Variants in CASP5 observed in about 807,000 individuals in gnomAD.
CASP5 encodes caspase 5, also known as caspase-5.
CASP5 carries 42 observed loss-of-function variants against 45.2 expected under a neutral mutation model. The observed-to-expected ratio is 0.93, with a 90% CI of 0.73 to 1.20. The LOEUF is 1.20. Ranked by LOEUF, CASP5 falls within the 50% of genes most tolerant of loss-of-function variation. The pLI is 0.00. For synonymous variants in CASP5, 209 were observed against 186.2 expected (o/e 1.12, Z -1.00); for missense variants, 512 against 532.2 (o/e 0.96, Z 0.37).
Position 105,023,123 on chromosome 11 carries a change from G to C in CASP5, c.7+7C>G, listed in dbSNP as rs778274081. The C allele has an allele frequency of 3.2e-6, 5 of 1,551,056 alleles. No homozygotes were observed. In the South Asian group the frequency reaches 4.8e-5, roughly 15 times the overall value. ...CAGCTGCTAGTCAGAAAAGGGCCCA[G>C]ACTCACCAGCCATAGCTAACAGCCT... is the stretch of plus-strand genomic sequence containing the variant. On this transcript the variant is annotated splice_region_variant and intron_variant, in intron 1 of 9. Coordinates refer to ENST00000260315, the MANE Select transcript of CASP5 (RefSeq NM_004347.5).
At position 105,002,182 on chromosome 11, in the gene CASP5, CTCTT is replaced by C; in HGVS notation, c.559_562del (p.Lys187GlufsTer32). 6.2e-7 allele frequency: 1 copy of C among 1,614,040 alleles called. No individual in the cohort carries two copies. The highest frequency in any genetic ancestry group is 8.5e-7 in the Non-Finnish European group (1 of 1,179,984). ...GAGAGCCAGGCGTCTGCGGTCCTCTCTCTTTTTTATTGGATAGATCTGCAGGAGA... is the reference window on the plus strand; with the variant it reads ...GAGAGCCAGGCGTCTGCGGTCCTCTCTTTTATTGGATAGATCTGCAGGAGA... On this transcript the variant is annotated frameshift_variant, in exon 5 of 10. Coordinates refer to ENST00000260315, the MANE Select transcript of CASP5 (RefSeq NM_004347.5). LOFTEE classifies it high-confidence loss of function.
At chr11:105,002,694 A>G (rs905372100) in intron 4 of CASP5, among the ~76,000 whole-genome samples, 4 of 152,244 alleles carry the variant, frequency 2.6e-5, no homozygotes, top group Non-Finnish European at 5.9e-5. Flanking sequence ...CATGTTATAA[A>G]CATTTTATTT....
intron 7 of CASP5, among the ~76,000 whole-genome samples, 179 bp downstream of exon 7, chr11:104,998,706 G>A (rs3181329): frequency 0.025 from 3,870 of 152,206 alleles, 139 homozygotes; most frequent in African/African-American, 0.083. Flanking sequence ...TTTAAAATGT[G>A]TGTGTGGGAG....
chr11:105,001,316 C>A (rs905710864), intron 5 of CASP5, among the ~76,000 whole-genome samples: 3 of 152,178 alleles, frequency 2.0e-5, no homozygotes, highest in African/African-American at 4.8e-5. Flanking sequence ...ACAGACTTAT[C>A]CACAGTATCA....
At chr11:105,020,795 T>C (rs556833138) in intron 1 of CASP5, among the ~76,000 whole-genome samples, 123 of 152,190 alleles carry the variant, frequency 8.1e-4, no homozygotes, top group African/African-American at 2.6e-3. Flanking sequence ...CTTCACAGAA[T>C]TGGAAAAAAC....
chr11:105,021,675 G>T (rs1431260152), intron 1 of CASP5, among the ~76,000 whole-genome samples: 1 of 147,516 alleles, frequency 6.8e-6, no homozygotes, highest in Non-Finnish European at 1.5e-5. Context: ...TGCTGGAGAG[G>T]ATGTGGAAAA....
chr11:105,014,218 A>G (rs1862479370), intron 1 of CASP5, among the ~76,000 whole-genome samples: 1 of 152,042 alleles, frequency 6.6e-6, no homozygotes, highest in South Asian at 2.1e-4. Context: ...TTTAATGTCT[A>G]GTCCAGTCTC....
intron 1 of CASP5, among the ~76,000 whole-genome samples, chr11:105,014,477 A>G (rs571909151): frequency 6.6e-6 from 1 of 152,258 alleles, no homozygotes; most frequent in Admixed American, 6.5e-5. Context: ...GTGGCCATAA[A>G]CTAGGCCTGC....
intron 7 of CASP5, among the ~76,000 whole-genome samples, chr11:104,998,367 T>C (rs1331722068): frequency 6.6e-6 from 1 of 152,214 alleles, no homozygotes; most frequent in Non-Finnish European, 1.5e-5. Context: ...CTGTTTCCTG[T>C]AATTAGACCT....
chr11:105,019,053 C>A lies in CASP5; in HGVS notation c.7+4077G>T, dbSNP rs983761467. On this transcript the variant is annotated intron_variant, in intron 1 of 9. Coordinates refer to ENST00000260315, the MANE Select transcript of CASP5 (RefSeq NM_004347.5). ...AACTGAACAACCTGCTCCTGAATGACTACTGGGTACATAATGAAATGAAGG... is the reference window on the plus strand; with the variant it reads ...AACTGAACAACCTGCTCCTGAATGAATACTGGGTACATAATGAAATGAAGG... 2.4e-3 allele frequency among the ~76,000 whole-genome samples: 345 copies of A among 146,332 alleles called. 5 individuals carry two copies. The highest frequency in any genetic ancestry group is 8.1e-3 in the African/African-American group (326 of 40,142).
chr11:105,008,963 T>G lies in CASP5; in HGVS notation c.25A>C (p.Lys9Gln). MAEDSGKKKRRKNFEAMFK... is the reference protein window; with the variant it reads MAEDSGKKQRRKNFEAMFK... ...ATAGCTTCAAAATTCTTACGCCTTTTTTTTTTGCCACTGTCTTCTATCAGA... is the reference window on the plus strand; with the variant it reads ...ATAGCTTCAAAATTCTTACGCCTTTGTTTTTTGCCACTGTCTTCTATCAGA... The change falls in exon 2 of 10, where the codon AAA becomes CAA. Residue 9 changes from lysine to glutamine, a missense_variant. Transcript: ENST00000260315. 1.2e-6 allele frequency: 2 copies of G among 1,612,754 alleles called. No individual in the cohort carries two copies. Among genetic ancestry groups the G allele is most frequent in the South Asian group, 2.2e-5 (2 of 90,940 alleles).
chr11:105,002,037 G>A lies in CASP5; in HGVS notation c.708C>T (p.Leu236=). Residue 236 remains leucine, a synonymous_variant, in exon 5 of 10, where the codon CTC becomes CTT. Transcript: ENST00000260315. ...GCTTAGGGGTTCTTACCCTGGCTGT[G>A]AGATTCTTTTCGTCAACCACAGTGT... is the stretch of plus-strand genomic sequence containing the variant. ...LGYTVVDEKN[L]TARDMESVLR... 3 of 1,613,992 alleles carry A rather than the reference G, an allele frequency of 1.9e-6. No individual in the cohort carries two copies. The highest frequency in any genetic ancestry group is 2.2e-5 in the South Asian group (2 of 91,052).
intron 1 of CASP5, among the ~76,000 whole-genome samples, chr11:105,015,578 CACTTA>C (rs772054915): frequency 5.1e-4 from 78 of 152,094 alleles, no homozygotes; most frequent in Admixed American, 9.2e-4. Context: ...ATTATTAACC[CACTTA>C]ACTTATTTTT....
chr11:105,018,158 A>G (rs368203108), intron 1 of CASP5, among the ~76,000 whole-genome samples: 1 of 152,092 alleles, frequency 6.6e-6, no homozygotes, highest in South Asian at 2.1e-4. Flanking sequence ...TGAAGGAAGC[A>G]CTCAACATGG....
At chr11:105,020,239 A>G (rs1320781764) in intron 1 of CASP5, among the ~76,000 whole-genome samples, 9 of 149,982 alleles carry the variant, frequency 6.0e-5, no homozygotes, top group African/African-American at 2.2e-4. Context: ...CCCTTTGAAA[A>G]CTGGCACAAG....
Position 105,002,213 on chromosome 11 carries a change from G to A in CASP5, c.544-12C>T. The stretch of plus-strand genomic sequence containing the variant: ...TTTATTGGATAGATCTGCAGGAGAT[G>A]GAGATGAAGCAACTTTGATTACCCG... On this transcript the variant is annotated splice_polypyrimidine_tract_variant and intron_variant, in intron 4 of 9. Transcript: ENST00000260315. The A allele has an allele frequency of 6.2e-7, 1 of 1,611,874 alleles. No individual in the cohort carries two copies. The highest frequency in any genetic ancestry group is 8.5e-7 in the Non-Finnish European group (1 of 1,179,042).
intron 1 of CASP5, among the ~76,000 whole-genome samples, chr11:105,010,764 C>A (rs1307676463): frequency 6.6e-6 from 1 of 151,490 alleles, no homozygotes; most frequent in Non-Finnish European, 1.5e-5. Context: ...TATGTTGAAC[C>A]CCCATGAGGT....
At chr11:105,016,464 G>A (rs1862599891) in intron 1 of CASP5, among the ~76,000 whole-genome samples, 1 of 152,198 alleles carries the variant, frequency 6.6e-6, no homozygotes, top group African/African-American at 2.4e-5. Flanking sequence ...CCGTGTGCAA[G>A]CCGAAGCAGG....
At chr11:104,996,219 T>G (rs3181331) in intron 8 of CASP5, among the ~76,000 whole-genome samples, 5 of 152,126 alleles carry the variant, frequency 3.3e-5, no homozygotes, top group Non-Finnish European at 7.4e-5. Flanking sequence ...TTAAGGAGAA[T>G]TAAATCCCAG....
Sources: gnomAD v4.1 joint callset for allele counts (sites outside exome capture counted in the v4.1 genomes callset) on GRCh38, gnomAD v4.1.1 for gene constraint, MANE v1.5 for transcripts, NCBI Gene and HGNC (gene_info 2026-07-23, HGNC 2026-07-21) for gene names.